Variants in ELMO1 observed in about 807,000 individuals in gnomAD.
ELMO1 encodes engulfment and cell motility protein 1.
Under a neutral mutation model 98.9 loss-of-function variants are expected in ELMO1, and 26 were observed. The observed-to-expected ratio is 0.26, with a 90% confidence interval of 0.19 to 0.36. The LOEUF is 0.36. ELMO1 is among the 10% of genes least tolerant of loss of function. ELMO1 has a pLI of 1.00. For missense variants in ELMO1, 627 were observed against 935.2 expected, an observed-to-expected ratio of 0.67 and a Z score of 4.30; for synonymous variants, 346 against 346.0, an observed-to-expected ratio of 1.00 and a Z score of 0.00.
intron 1 of ELMO1, among the ~76,000 whole-genome samples, chr7:37,348,944 T>C (rs1039220477): frequency 6.6e-6 from 1 of 152,246 alleles, no homozygotes; most frequent in Non-Finnish European, 1.5e-5. Flanking sequence ...ATGCTCTTTG[T>C]AGTCTTTCTG....
intron 11 of ELMO1, among the ~76,000 whole-genome samples, chr7:37,215,055 C>T (rs1285153189): frequency 6.6e-6 from 1 of 152,242 alleles, no homozygotes; most frequent in Non-Finnish European, 1.5e-5. Context: ...AATACTTCTG[C>T]ACTTCCAAAA....
intron 1 of ELMO1, among the ~76,000 whole-genome samples, chr7:37,447,037 C>A (rs184555123): frequency 6.6e-6 from 1 of 152,248 alleles, no homozygotes; most frequent in Non-Finnish European, 1.5e-5. Flanking sequence ...GACATTAATG[C>A]TTGAAACAAC....
Position 36,887,611 on chromosome 7 carries a change from G to T in ELMO1, c.1663C>A (p.Arg555Ser). 6.2e-7 allele frequency: 1 copy of T among 1,614,044 alleles called. No homozygotes were observed. Among genetic ancestry groups the T allele is most frequent in the Non-Finnish European group, 8.5e-7 (1 of 1,179,944 alleles). ...LELIKQQRLNRLVEGTCFRKL... is the reference protein window; with the variant it reads ...LELIKQQRLNSLVEGTCFRKL... Reference sequence around the variant, plus strand: ...CTAAAGCAGGTCCCTTCCACAAGGCGGTTCAGGCGTTGCTGTTTGATCAGC... The same window carrying T: ...CTAAAGCAGGTCCCTTCCACAAGGCTGTTCAGGCGTTGCTGTTTGATCAGC... The change falls in exon 18 of 22, where the codon CGC (arginine) becomes AGC (serine). Residue 555 changes from arginine to serine, a missense_variant. Around this residue, in one of 3 missense-constraint regions of ELMO1, gnomAD observed 492 missense variants for 715.6 expected, o/e 0.69. Transcript: ENST00000310758.
At chr7:37,050,611 C>CACAA (rs1430404014) in intron 15 of ELMO1, among the ~76,000 whole-genome samples, 1 of 75,618 alleles carries the variant, frequency 1.3e-5, no homozygotes, top group East Asian at 4.1e-4. Context: ...GTGCTCTGAA[C>CACAA]ACACACACAC....
At chr7:37,314,527 A>G (rs1799052175) in intron 4 of ELMO1, among the ~76,000 whole-genome samples, 1 of 151,988 alleles carries the variant, frequency 6.6e-6, no homozygotes, top group African/African-American at 2.4e-5. Flanking sequence ...TGAAAAAAAC[A>G]AAATCTGAGA....
chr7:37,019,624 A>G (rs976459086), intron 15 of ELMO1, among the ~76,000 whole-genome samples: 1 of 152,246 alleles, frequency 6.6e-6, no homozygotes, highest in Non-Finnish European at 1.5e-5. Context: ...GGTGAGGTTT[A>G]TTATTGTTTT....
At chr7:37,195,547 A>C (rs979152902) in intron 13 of ELMO1, among the ~76,000 whole-genome samples, 3 of 152,230 alleles carry the variant, frequency 2.0e-5, no homozygotes, top group Admixed American at 6.5e-5. Context: ...GCCTGTTTGG[A>C]TGCCCAGCCA....
intron 15 of ELMO1, among the ~76,000 whole-genome samples, chr7:37,013,975 C>T (rs1412704467): frequency 6.6e-6 from 1 of 152,184 alleles, no homozygotes; most frequent in Non-Finnish European, 1.5e-5. Context: ...CCATCTGATG[C>T]CATTAACCAT....
chr7:37,237,593 A>G (rs1276593765), intron 7 of ELMO1, among the ~76,000 whole-genome samples: 1 of 152,186 alleles, frequency 6.6e-6, no homozygotes, highest in Non-Finnish European at 1.5e-5. Flanking sequence ...CCCGGCCCCA[A>G]TACAGAATTT....
intron 4 of ELMO1, among the ~76,000 whole-genome samples, chr7:37,294,306 G>A (rs1264395704): frequency 7.3e-5 from 11 of 150,516 alleles, no homozygotes; most frequent in Non-Finnish European, 1.5e-4. Flanking sequence ...GCAGTGAGCC[G>A]AGATCCTGCC....
At chr7:37,228,333 T>C (rs2111034) in intron 8 of ELMO1, among the ~76,000 whole-genome samples, 80,284 of 152,042 alleles carry the variant, frequency 0.53, 22,800 homozygotes, top group Non-Finnish European at 0.64. Flanking sequence ...AGGTTATTCA[T>C]GCCTATTTAA....
chr7:36,985,363 G>T (rs1395126461), intron 16 of ELMO1, among the ~76,000 whole-genome samples: 1 of 151,990 alleles, frequency 6.6e-6, no homozygotes. Context: ...TTGGAGACAG[G>T]TTTCATAAAA....
intron 1 of ELMO1, among the ~76,000 whole-genome samples, chr7:37,361,106 A>C (rs1030650134): frequency 2.6e-5 from 4 of 152,220 alleles, no homozygotes; most frequent in Non-Finnish European, 5.9e-5. Context: ...ATTTTTAAAA[A>C]TATTAAGTAC....
At chr7:37,177,603 A>T (rs2129928470) in intron 13 of ELMO1, among the ~76,000 whole-genome samples, 1 of 152,316 alleles carries the variant, frequency 6.6e-6, no homozygotes, top group South Asian at 2.1e-4. Flanking sequence ...GTCGCATTTC[A>T]TTCCTGTCAC....
chr7:37,219,356 C>T (rs1793469943), intron 10 of ELMO1, among the ~76,000 whole-genome samples: 1 of 152,062 alleles, frequency 6.6e-6, no homozygotes, highest in South Asian at 2.1e-4. Flanking sequence ...TTCAAAGAAA[C>T]CCCAGATAAT....
chr7:37,243,882 G>C (rs1370042627), intron 7 of ELMO1, among the ~76,000 whole-genome samples: 1 of 152,146 alleles, frequency 6.6e-6, no homozygotes, highest in Admixed American at 6.6e-5. Flanking sequence ...TTCATAGATA[G>C]GTGATCGAGC....
chr7:37,071,993 G>A (rs370134808), intron 15 of ELMO1, among the ~76,000 whole-genome samples: 1 of 152,286 alleles, frequency 6.6e-6, no homozygotes, highest in East Asian at 1.9e-4. Context: ...AAGCTCAAGA[G>A]TAAACAAGTT....
At chr7:36,982,182 A>C (rs1380917593) in intron 16 of ELMO1, among the ~76,000 whole-genome samples, 1 of 152,260 alleles carries the variant, frequency 6.6e-6, no homozygotes, top group Non-Finnish European at 1.5e-5. Flanking sequence ...CAACTTGTGC[A>C]CATGAATCTA....
intron 14 of ELMO1, chr7:37,117,159 A>C (rs1001402373): frequency 2.5e-5 from 5 of 203,054 alleles, no homozygotes; most frequent in African/African-American, 6.9e-5. Context: ...AGTTGGGATA[A>C]ATTTCAAAAC....
Sources: gnomAD v4.1 joint callset for allele counts (sites outside exome capture counted in the v4.1 genomes callset) on GRCh38, gnomAD v4.1.1 for gene constraint, gnomAD v4.1.1 regional missense constraint, MANE v1.5 for transcripts, NCBI Gene and HGNC (gene_info 2026-07-23, HGNC 2026-07-21) for gene names.